Variants in CACHD1 observed in about 807,000 individuals in gnomAD.
CACHD1 encodes the protein VWFA and cache domain-containing protein 1.
A neutral mutation model predicts 138.7 loss-of-function variants in CACHD1; 71 were observed. That is an observed-to-expected ratio of 0.51 (90% CI 0.42 to 0.62). The LOEUF (loss-of-function observed/expected upper bound fraction) is 0.62, where lower values mean the gene tolerates loss of function less well. Ranked by LOEUF, CACHD1 falls within the 20% of genes least tolerant of loss-of-function variation. The pLI, the probability that CACHD1 is intolerant of heterozygous loss-of-function variation, is 0.00. For synonymous variants in CACHD1, 578 were observed against 591.5 expected, an observed-to-expected ratio of 0.98 and a Z score of 0.33; for missense variants, 1,389 against 1,625.3, an observed-to-expected ratio of 0.85 and a Z score of 2.50.
chr1:64,549,003 G>A (rs1281958249), intron 1 of CACHD1, among the ~76,000 whole-genome samples: 1 of 152,162 alleles, frequency 6.6e-6, no homozygotes, highest in East Asian at 1.9e-4. Context: ...TCAGATTCCA[G>A]CCTTGCCAAG....
chr1:64,551,960 T>C (rs1187917696), intron 2 of CACHD1, among the ~76,000 whole-genome samples: 1 of 152,200 alleles, frequency 6.6e-6, no homozygotes, highest in African/African-American at 2.4e-5. Context: ...AAGTTCTTTA[T>C]GGTCGTGAAA....
chr1:64,618,043 G>C (rs1040341145), intron 4 of CACHD1, among the ~76,000 whole-genome samples: 1 of 150,720 alleles, frequency 6.6e-6, no homozygotes, highest in Non-Finnish European at 1.5e-5. Flanking sequence ...TCATGCCATT[G>C]CGCTCCAGCT....
chr1:64,606,962 G>C (rs1057016734), intron 4 of CACHD1, among the ~76,000 whole-genome samples: 8 of 152,166 alleles, frequency 5.3e-5, no homozygotes, highest in African/African-American at 1.9e-4. Flanking sequence ...TGAGAGGCAG[G>C]TTATTAAAAG....
chr1:64,521,580 A>G (rs1646498464), intron 1 of CACHD1, among the ~76,000 whole-genome samples: 5 of 152,218 alleles, frequency 3.3e-5, no homozygotes, highest in Admixed American at 1.3e-4. Context: ...ATTCTATTGT[A>G]TAGATATACT....
At chr1:64,511,059 A>G (rs745431293) in intron 1 of CACHD1, among the ~76,000 whole-genome samples, 4 of 152,166 alleles carry the variant, frequency 2.6e-5, no homozygotes, top group Non-Finnish European at 4.4e-5. Context: ...CGCCTTTTAG[A>G]TCATAGATAT....
At chr1:64,679,182 TC>T (rs1650087039) in intron 23 of CACHD1, among the ~76,000 whole-genome samples, 4 of 152,190 alleles carry the variant, frequency 2.6e-5, no homozygotes, top group Admixed American at 2.0e-4. Flanking sequence ...CGAAACTTGA[TC>T]CGGTTAGCGC....
intron 25 of CACHD1, 106 bp downstream of exon 25, chr1:64,681,441 T>A: frequency 1.2e-6 from 1 of 848,818 alleles, no homozygotes; most frequent in South Asian, 1.9e-5. Context: ...TAAGAAGCTT[T>A]GACACGGTGG....
intron 9 of CACHD1, among the ~76,000 whole-genome samples, chr1:64,649,964 G>A (rs1649035395): frequency 6.6e-6 from 1 of 152,104 alleles, no homozygotes. Context: ...CATGACATGA[G>A]GCTTGATTCT....
intron 7 of CACHD1, among the ~76,000 whole-genome samples, chr1:64,635,791 TATTTC>T (rs1648504902): frequency 6.6e-6 from 1 of 152,122 alleles, no homozygotes; most frequent in African/African-American, 2.4e-5. Context: ...TGAAGGAATC[TATTTC>T]ATTTTCCCTT....
intron 1 of CACHD1, among the ~76,000 whole-genome samples, chr1:64,543,402 C>CATACATATATATATAT (rs1553131373): frequency 7.9e-6 from 1 of 126,886 alleles, no homozygotes; most frequent in African/African-American, 3.3e-5. Context: ...AAAAAAAATA[C>CATACATATATATATAT]ATATATATAT....
In CACHD1 at chr1:64,673,556, A is replaced by T. The variant is rs150798956; in HGVS notation, c.2727+92A>T. ...TGGCTAGTGTCTGAATATTATTCCT[A>T]CCTGTTTCATCGCCTTAGAACTATA... On this transcript the variant is annotated intron_variant, in intron 19 of 26. Transcript: ENST00000651257. The T allele has an allele frequency of 5.7e-3, 5,962 of 1,048,964 alleles. 27 individuals are homozygous for T. The highest frequency in any genetic ancestry group is 7.6e-3 in the Non-Finnish European group (5,113 of 676,276). 65.0% of individuals were successfully genotyped at this position (1,048,964 alleles called of 1,614,324 possible). A position where few individuals can be genotyped will look rare whatever the true frequency, so the allele number is the denominator to read the frequency against.
At chr1:64,681,970 T>TA in intron 25 of CACHD1, 35 bp from the exon 26 acceptor site, 1 of 1,568,012 alleles carries the variant, frequency 6.4e-7, no homozygotes, top group Non-Finnish European at 8.8e-7. Flanking sequence ...GATACTGGCA[T>TA]AAGAGTGACA....
chr1:64,498,338 AT>A (rs1332855154), intron 1 of CACHD1, among the ~76,000 whole-genome samples: 4 of 152,136 alleles, frequency 2.6e-5, no homozygotes, highest in Admixed American at 2.0e-4. Context: ...TATTCTCTTT[AT>A]TTTTTCACTA....
rs775264842 is a variant in CACHD1, at chr1:64,470,921, G to T, written c.177G>T (p.Glu59Asp). Residue 59 changes from glutamate to aspartate, a missense_variant, in exon 1 of 27, where the codon GAG becomes GAT. Around this residue, in one of 5 missense-constraint regions of CACHD1, gnomAD observed 1,000 missense variants for 1,114.7 expected, o/e 0.90. Coordinates refer to ENST00000651257, the MANE Select transcript of CACHD1 (RefSeq NM_020925.4). This position sits in a 1 kb window ranked among gnomAD's most constrained non-coding sequence, Gnocchi z 5.2. ...ASQMRRLAAE[E>D]LGVVTMQRIF... ...AGATGCGGAGGCTGGCGGCCGAGGA[G>T]CTGGGGGTCGTCACCATGCAGGTAA... The T allele has an allele frequency of 1.9e-6, 3 of 1,605,650 alleles. No homozygotes were observed. The highest frequency in any genetic ancestry group is 2.6e-6 in the Non-Finnish European group (3 of 1,175,870).
intron 16 of CACHD1, among the ~76,000 whole-genome samples, chr1:64,669,089 T>G (rs1649733292): frequency 6.6e-6 from 1 of 150,858 alleles, no homozygotes. Flanking sequence ...AAGATTAAAT[T>G]AAATAATATG....
chr1:64,671,967 G>C (rs1335355335), intron 17 of CACHD1, among the ~76,000 whole-genome samples: 1 of 152,148 alleles, frequency 6.6e-6, no homozygotes, highest in East Asian at 1.9e-4. Flanking sequence ...GTAATTAGAG[G>C]CTTCCCATAT....
At chr1:64,513,122 G>A (rs1646434545) in intron 1 of CACHD1, among the ~76,000 whole-genome samples, 2 of 152,138 alleles carry the variant, frequency 1.3e-5, no homozygotes, top group South Asian at 4.1e-4. Context: ...CAAATTTACA[G>A]CAATATTTCT....
intron 1 of CACHD1, among the ~76,000 whole-genome samples, chr1:64,497,378 A>G (rs1318001815): frequency 2.6e-5 from 4 of 152,080 alleles, no homozygotes; most frequent in South Asian, 2.1e-4. Context: ...GGCTGGGGGA[A>G]ATAAAGACAG....
intron 2 of CACHD1, among the ~76,000 whole-genome samples, chr1:64,567,393 G>A (rs575657022): frequency 6.6e-6 from 1 of 152,124 alleles, no homozygotes; most frequent in African/African-American, 2.4e-5. Flanking sequence ...ATGCCAGACG[G>A]TTGCAAGAAT....
Sources: gnomAD v4.1 joint callset for allele counts (sites outside exome capture counted in the v4.1 genomes callset) on GRCh38, gnomAD v4.1.1 for gene constraint, gnomAD v4.1.1 regional missense constraint, Gnocchi (gnomAD v3.1) non-coding constraint, MANE v1.5 for transcripts, NCBI Gene and HGNC (gene_info 2026-07-23, HGNC 2026-07-21) for gene names.